The following GRIA3 variants were observed in gnomAD, a reference collection of about 807,000 sequenced individuals.
GRIA3 encodes the protein glutamate receptor 3.
GRIA3 carries 3 observed loss-of-function variants against 63.0 expected under a neutral mutation model. The ratio of observed to expected loss-of-function variants is 0.05; its 90% CI spans 0.02 to 0.12. GRIA3 has a LOEUF of 0.12. GRIA3 is among the 10% of genes least tolerant of loss of function. The probability of loss-of-function intolerance (pLI) is 1.00; values close to 1 mark genes in which losing one functional copy is unlikely to be tolerated. For missense variants in GRIA3, 347 were observed against 700.9 expected (o/e 0.50, Z 5.70); for synonymous variants, 274 against 257.9 (o/e 1.06, Z -0.60).
intron 3 of GRIA3, among the ~76,000 whole-genome samples, chrX:123,303,636 T>C (rs926787382): frequency 9.1e-6 from 1 of 110,227 alleles, no homozygotes; most frequent in African/African-American, 3.3e-5. Flanking sequence ...AATAAGGCCA[T>C]GTTATTTGAC....
chrX:123,187,173 A>G, intron 2 of GRIA3, among the ~76,000 whole-genome samples: 1 of 111,777 alleles, frequency 8.9e-6, no homozygotes, highest in Non-Finnish European at 1.9e-5. Context: ...CTTTCTTTAA[A>G]TCCTTCTGCC....
chrX:123,411,899 C>A (rs1216365814), intron 10 of GRIA3, among the ~76,000 whole-genome samples: 1 of 110,891 alleles, frequency 9.0e-6, no homozygotes, highest in Non-Finnish European at 1.9e-5. Flanking sequence ...ATTACCAGTG[C>A]AAGCAGAGGC....
At chrX:123,463,737 G>A (rs1442446710) in intron 12 of GRIA3, among the ~76,000 whole-genome samples, 3,005 of 95,751 alleles carry the variant, frequency 0.031, 355 homozygotes, top group African/African-American at 0.12. Context: ...AAAGAAGAGA[G>A]AGAAAGAAAG....
At chrX:123,224,903 A>G (rs990716199) in intron 2 of GRIA3, among the ~76,000 whole-genome samples, 1 of 111,906 alleles carries the variant, frequency 8.9e-6, no homozygotes, top group Non-Finnish European at 1.9e-5. Context: ...TCCAAATCAT[A>G]GTTTTAAAAT....
chrX:123,221,093 T>G (rs928854262), intron 2 of GRIA3, among the ~76,000 whole-genome samples: 1 of 112,410 alleles, frequency 8.9e-6, no homozygotes, highest in Non-Finnish European at 1.9e-5. Flanking sequence ...TTGATCCCCC[T>G]TAAATAACAA....
intron 10 of GRIA3, among the ~76,000 whole-genome samples, chrX:123,405,420 C>T (rs994372377): frequency 2.7e-5 from 3 of 111,663 alleles, no homozygotes; most frequent in East Asian, 2.8e-4. Context: ...TGTTACCCTG[C>T]GTCTGTTCTT....
chrX:123,447,727 T>C (rs2045710212), intron 12 of GRIA3, among the ~76,000 whole-genome samples: 1 of 112,073 alleles, frequency 8.9e-6, no homozygotes, highest in Non-Finnish European at 1.9e-5. Context: ...AAGTCCCTGG[T>C]TACTGTATGA....
At chrX:123,382,790 G>A (rs1024162925) in intron 5 of GRIA3, among the ~76,000 whole-genome samples, 1 of 112,046 alleles carries the variant, frequency 8.9e-6, no homozygotes, top group Non-Finnish European at 1.9e-5. Flanking sequence ...GTGAGATTTG[G>A]GGGACCCTTT....
intron 2 of GRIA3, among the ~76,000 whole-genome samples, chrX:123,246,259 A>G (rs972839490): frequency 1.8e-5 from 2 of 112,208 alleles, no homozygotes; most frequent in African/African-American, 6.5e-5. Context: ...GCTGTAAAAA[A>G]TTACCACAAA....
At chrX:123,485,059 T>G (rs991718054) in intron 15 of GRIA3, among the ~76,000 whole-genome samples, 2 of 112,641 alleles carry the variant, frequency 1.8e-5, no homozygotes, top group African/African-American at 6.5e-5. Context: ...AATGTTTCAA[T>G]GTGCTTAAAA....
intron 2 of GRIA3, among the ~76,000 whole-genome samples, chrX:123,187,714 T>G (rs1927317375): frequency 8.9e-6 from 1 of 112,247 alleles, no homozygotes; most frequent in African/African-American, 3.2e-5. Flanking sequence ...GAGAACCATT[T>G]GGTTTCTCAG....
At chrX:123,234,163 T>G (rs758000468) in intron 2 of GRIA3, among the ~76,000 whole-genome samples, 2 of 111,167 alleles carry the variant, frequency 1.8e-5, no homozygotes, top group Non-Finnish European at 3.8e-5. Flanking sequence ...TCCCAGATGC[T>G]ACCACCTGGT....
intron 2 of GRIA3, among the ~76,000 whole-genome samples, chrX:123,193,148 G>T (rs752648356): frequency 2.2e-4 from 24 of 107,978 alleles, no homozygotes; most frequent in Admixed American, 2.1e-4. Context: ...TCTGTAGGTG[G>T]CATTACTAGA....
intron 3 of GRIA3, among the ~76,000 whole-genome samples, chrX:123,270,588 T>C (rs1275809464): frequency 3.6e-5 from 4 of 112,103 alleles, no homozygotes; most frequent in African/African-American, 1.3e-4. Flanking sequence ...TGAAAATACG[T>C]TTTCTTTTCT....
At chrX:123,398,195 G>A (rs959109996) in intron 6 of GRIA3, among the ~76,000 whole-genome samples, 1 of 112,002 alleles carries the variant, frequency 8.9e-6, no homozygotes, top group African/African-American at 3.2e-5. Context: ...ATTTCAAGCT[G>A]TCTAACTTAG....
intron 3 of GRIA3, among the ~76,000 whole-genome samples, chrX:123,307,379 G>A (rs1352102858): frequency 8.9e-6 from 1 of 112,129 alleles, no homozygotes; most frequent in Non-Finnish European, 1.9e-5. Context: ...CTATTGTCAT[G>A]TGGATTCTGT....
intron 3 of GRIA3, among the ~76,000 whole-genome samples, chrX:123,254,819 G>C (rs889128290): frequency 8.9e-6 from 1 of 112,018 alleles, no homozygotes; most frequent in Non-Finnish European, 1.9e-5. Flanking sequence ...CCAACTCATT[G>C]ACATGCTCTT....
At chrX:123,196,419 T>C (rs912547024) in intron 2 of GRIA3, among the ~76,000 whole-genome samples, 7 of 111,959 alleles carry the variant, frequency 6.3e-5, no homozygotes, top group Non-Finnish European at 1.1e-4. Flanking sequence ...CTACTTCCCA[T>C]TAAAATAATA....
intron 12 of GRIA3, among the ~76,000 whole-genome samples, chrX:123,444,793 C>A (rs189281188): frequency 1.8e-5 from 2 of 111,485 alleles, no homozygotes; most frequent in African/African-American, 6.5e-5. Flanking sequence ...GTAATCCTTT[C>A]TCCCTCCCTC....
Sources: gnomAD v4.1 joint callset for allele counts (sites outside exome capture counted in the v4.1 genomes callset) on GRCh38, gnomAD v4.1.1 for gene constraint, MANE v1.5 for transcripts, NCBI Gene and HGNC (gene_info 2026-07-23, HGNC 2026-07-21) for gene names.